Variants in SEMA3A observed in about 807,000 individuals in gnomAD.
SEMA3A encodes the protein semaphorin-3A.
In SEMA3A, 29 loss-of-function variants were observed where a neutral mutation model predicts 97.9. The observed-to-expected ratio is 0.30, with a 90% CI of 0.22 to 0.40. The LOEUF is 0.40. Ranked by LOEUF, SEMA3A falls within the 10% of genes least tolerant of loss-of-function variation. The pLI, the probability that SEMA3A is intolerant of heterozygous loss-of-function variation, is 1.00. For synonymous variants in SEMA3A, 321 were observed against 323.7 expected (o/e 0.99, Z 0.09); for missense variants, 763 against 951.3 (o/e 0.80, Z 2.60).
At chr7:84,203,526 A>T (rs13221625) in intron 3 of SEMA3A, among the ~76,000 whole-genome samples, 13,078 of 26,556 alleles carry the variant, frequency 0.49, 3,392 homozygotes, top group Admixed American at 0.57. Context: ...ATATATATAT[A>T]TTTTTTTTTT....
At chr7:83,987,014 C>G (rs1789663136) in intron 12 of SEMA3A, among the ~76,000 whole-genome samples, 1 of 151,408 alleles carries the variant, frequency 6.6e-6, no homozygotes, top group African/African-American at 2.4e-5. Context: ...ACATGCATTT[C>G]CATCTCATTT....
At position 84,047,969 on chromosome 7, in the gene SEMA3A, A is replaced by T. The variant is rs1010245163; in HGVS notation, c.548-1526T>A. Among the ~76,000 whole-genome samples, 4 of 152,020 alleles carry T rather than the reference A, an allele frequency of 2.6e-5. No individual in the cohort carries two copies. The East Asian group carries it at 7.7e-4, about 29-fold the overall frequency. On this transcript the variant is annotated intron_variant, in intron 5 of 16. Coordinates refer to ENST00000265362, the MANE Select transcript of SEMA3A (RefSeq NM_006080.3). The stretch of plus-strand genomic sequence containing the variant: ...GGAGACCCTCCAGAACAGTGGAGAA[A>T]AGCGACACAGAGAAAATCACTGAGC...
rs576780723 is a variant in SEMA3A at position 83,959,535 on chromosome 7, T to C, written c.*1836A>G. ...AATGTAGATTATTTTTAGGCTTTTG[T>C]TTGAAACAAGTGGCAACAACTTGTT... On this transcript the variant is annotated 3_prime_UTR_variant, in exon 17 of 17. Coordinates refer to ENST00000265362, the MANE Select transcript of SEMA3A (RefSeq NM_006080.3). 1 of 152,174 alleles carries C rather than the reference T, an allele frequency of 6.6e-6. No individual in the cohort carries two copies. Among genetic ancestry groups the C allele is most frequent in the East Asian group, 1.9e-4 (1 of 5,184 alleles). 9.4% of individuals were successfully genotyped at this position (152,174 alleles called of 1,614,324 possible).
chr7:84,399,585 G>A (rs901425191), intron 1 of SEMA3A, among the ~76,000 whole-genome samples: 2 of 152,140 alleles, frequency 1.3e-5, no homozygotes, highest in Non-Finnish European at 2.9e-5. Context: ...GCCCAACCAC[G>A]TTAAAATAAA....
chr7:84,087,764 T>G (rs577941637), intron 4 of SEMA3A, among the ~76,000 whole-genome samples: 1 of 152,222 alleles, frequency 6.6e-6, no homozygotes, highest in Non-Finnish European at 1.5e-5. Flanking sequence ...TCTTGAATCC[T>G]TTTCTGAACA....
chr7:84,465,104 C>T (rs1403993324), intron 1 of SEMA3A, among the ~76,000 whole-genome samples: 2 of 152,146 alleles, frequency 1.3e-5, no homozygotes, highest in African/African-American at 2.4e-5. Flanking sequence ...TATAATTATA[C>T]ATAAATGTGT....
intron 1 of SEMA3A, among the ~76,000 whole-genome samples, chr7:84,184,272 G>C (rs1033611777): frequency 1.3e-5 from 2 of 152,088 alleles, no homozygotes; most frequent in Non-Finnish European, 2.9e-5. Flanking sequence ...TGACAGAAAA[G>C]ATGTCTGTAT....
At chr7:84,441,836 A>T (rs1011705186) in intron 1 of SEMA3A, among the ~76,000 whole-genome samples, 5 of 152,210 alleles carry the variant, frequency 3.3e-5, no homozygotes, top group African/African-American at 1.2e-4. Context: ...ATCATCAGCA[A>T]ATTTCTTTTT....
chr7:84,131,231 G>A (rs1373265051), intron 2 of SEMA3A, among the ~76,000 whole-genome samples: 2 of 151,962 alleles, frequency 1.3e-5, no homozygotes, highest in Non-Finnish European at 2.9e-5. Flanking sequence ...AAAAGTAAAT[G>A]TATGTTTAAT....
At chr7:84,412,714 T>C (rs568863890) in intron 1 of SEMA3A, among the ~76,000 whole-genome samples, 1 of 152,288 alleles carries the variant, frequency 6.6e-6, no homozygotes, top group South Asian at 2.1e-4. Flanking sequence ...TTTTTATTTG[T>C]CAATGAGGGA....
intron 3 of SEMA3A, among the ~76,000 whole-genome samples, chr7:84,264,107 AT>A (rs1193682212): frequency 1.3e-5 from 2 of 151,988 alleles, no homozygotes; most frequent in African/African-American, 2.4e-5. Context: ...ATATATTTTT[AT>A]TTTTTTGAAT....
intron 1 of SEMA3A, among the ~76,000 whole-genome samples, chr7:84,463,353 A>G (rs1219640374): frequency 2.1e-5 from 3 of 142,080 alleles, no homozygotes; most frequent in African/African-American, 8.0e-5. Flanking sequence ...GGTTCAGGCC[A>G]TTCTCCTGCC....
intron 3 of SEMA3A, among the ~76,000 whole-genome samples, chr7:84,242,087 C>G (rs908683609): frequency 6.6e-6 from 1 of 152,064 alleles, no homozygotes; most frequent in Admixed American, 6.5e-5. Context: ...GTTCTTTTTG[C>G]TTAGGATTGT....
intron 1 of SEMA3A, among the ~76,000 whole-genome samples, chr7:84,488,082 T>C (rs986113672): frequency 6.6e-6 from 1 of 152,010 alleles, no homozygotes; most frequent in African/African-American, 2.4e-5. Flanking sequence ...AAAATGAATA[T>C]CCTGTGTTTA....
intron 3 of SEMA3A, among the ~76,000 whole-genome samples, chr7:84,262,462 G>A (rs56364289): frequency 0.071 from 10,873 of 152,114 alleles, 543 homozygotes; most frequent in Non-Finnish European, 0.084. Flanking sequence ...TGATCTAACC[G>A]TCTTGGCCTC....
At chr7:84,008,274 A>G (rs962687977) in intron 9 of SEMA3A, among the ~76,000 whole-genome samples, 1 of 152,062 alleles carries the variant, frequency 6.6e-6, no homozygotes, top group Non-Finnish European at 1.5e-5. Context: ...GGCGGATCAC[A>G]AGGTCAAGAG....
chr7:83,959,138 C>A lies in SEMA3A; in HGVS notation c.*2233G>T. On this transcript the variant is annotated 3_prime_UTR_variant, in exon 17 of 17. Coordinates refer to ENST00000265362, the MANE Select transcript of SEMA3A (RefSeq NM_006080.3). ...TGAAGTCGAGACTTTTTTCTATTGTCATTTCATAACACTAAACAAAATGCA... is the reference window on the plus strand; with the variant it reads ...TGAAGTCGAGACTTTTTTCTATTGTAATTTCATAACACTAAACAAAATGCA... 1 of 151,948 alleles carries A rather than the reference C, an allele frequency of 6.6e-6. No homozygotes were observed. The highest frequency in any genetic ancestry group is 1.9e-4 in the East Asian group (1 of 5,182). The allele number at this position is 151,948 out of a possible 1,614,324, so 9.4% of individuals were successfully genotyped here.
At chr7:84,132,706 C>G (rs111492284) in intron 2 of SEMA3A, among the ~76,000 whole-genome samples, 7,513 of 113,116 alleles carry the variant, frequency 0.066, 795 homozygotes, top group African/African-American at 0.23. Flanking sequence ...GACGGAGTCT[C>G]GCTCTGTCAC....
At chr7:84,255,521 G>C (rs1020279193) in intron 3 of SEMA3A, among the ~76,000 whole-genome samples, 1 of 152,088 alleles carries the variant, frequency 6.6e-6, no homozygotes, top group East Asian at 1.9e-4. Flanking sequence ...GTTGAAATCT[G>C]AAACCTGAAG....
Sources: allele counts gnomAD v4.1 joint callset (sites outside exome capture counted in the v4.1 genomes callset), GRCh38; gene constraint gnomAD v4.1.1; transcripts MANE v1.5; gene names NCBI Gene and HGNC (gene_info 2026-07-23, HGNC 2026-07-21).